TTC12: variants seen among roughly 807,000 people sequenced by gnomAD.
TTC12 encodes the protein tetratricopeptide repeat protein 12.
Under a neutral mutation model 90.1 loss-of-function variants are expected in TTC12, and 70 were observed. The ratio of observed to expected loss-of-function variants is 0.78; its 90% CI spans 0.64 to 0.95. The LOEUF is 0.95. TTC12 is among the 40% of genes least tolerant of loss of function. The pLI is 0.00. For missense variants in TTC12, 819 were observed against 846.1 expected, an observed-to-expected ratio of 0.97 and a Z score of 0.40; for synonymous variants, 296 against 311.5, an observed-to-expected ratio of 0.95 and a Z score of 0.53.
At chr11:113,339,634 C>A in intron 10 of TTC12, 160 bp downstream of exon 10, 1 of 623,664 alleles carries the variant, frequency 1.6e-6, no homozygotes, top group Non-Finnish European at 2.7e-6. Context: ...CAAGAAATGT[C>A]CTCCGACTTC....
intron 18 of TTC12, among the ~76,000 whole-genome samples, chr11:113,362,196 C>T (rs1949973570): frequency 6.6e-6 from 1 of 152,052 alleles, no homozygotes; most frequent in Admixed American, 6.5e-5. Flanking sequence ...TAATATGGGC[C>T]TCTGGGTGGC....
At chr11:113,346,751 G>GAAAAAAAAAAAAAAAAAAAA (rs58619294) in intron 13 of TTC12, among the ~76,000 whole-genome samples, 1 of 57,530 alleles carries the variant, frequency 1.7e-5, no homozygotes. Flanking sequence ...ATCTGCTACA[G>GAAAAAAAAAAAAAAAAAAAA]AAAAAAAAAA....
rs782261277 is a variant in TTC12 at position 113,324,635 on chromosome 11, C to T, written c.275C>T (p.Ala92Val). The change falls in exon 5 of 22, where the codon GCA (alanine) becomes GTA (valine). Residue 92 changes from alanine to valine, a missense_variant. Transcript: ENST00000529221. ...TTCTTGGCATCTGTGGAGAAGGATG[C>T]AAAGGAACGAGCCAAGAGAAGAAGG... is the stretch of plus-strand genomic sequence containing the variant. ...EAFLASVEKD[A>V]KERAKRRREN... 13 of 1,613,736 alleles carry T rather than the reference C, an allele frequency of 8.1e-6. No homozygotes were observed. In the South Asian group the frequency reaches 1.4e-4, roughly 18 times the overall value.
chr11:113,361,582 C>G (rs1949927202), intron 18 of TTC12, among the ~76,000 whole-genome samples: 1 of 151,972 alleles, frequency 6.6e-6, no homozygotes, highest in Admixed American at 6.5e-5. Flanking sequence ...AGGCATCTAT[C>G]CTCCAGGCAT....
intron 6 of TTC12, among the ~76,000 whole-genome samples, chr11:113,328,497 A>T (rs1397222096): frequency 6.6e-6 from 1 of 152,138 alleles, no homozygotes; most frequent in Non-Finnish European, 1.5e-5. Flanking sequence ...TGCCCCAGGC[A>T]TTTGATACTA....
chr11:113,358,328 G>C (rs143362184), intron 16 of TTC12, among the ~76,000 whole-genome samples: 4 of 152,160 alleles, frequency 2.6e-5, no homozygotes, highest in African/African-American at 9.7e-5. Context: ...CCTGGGCCCA[G>C]GGGAAGCTGC....
chr11:113,366,489 C>T (rs971186318), downstream of TTC12: 22 of 951,122 alleles, frequency 2.3e-5, no homozygotes, highest in Non-Finnish European at 3.2e-5. Flanking sequence ...GCTCTGTGCA[C>T]TGGCTTACTC....
intron 21 of TTC12, among the ~76,000 whole-genome samples, chr11:113,371,969 C>A (rs1327207249): frequency 6.6e-6 from 1 of 152,172 alleles, no homozygotes; most frequent in Non-Finnish European, 1.5e-5. Context: ...GTTGGTTGAG[C>A]ATACTTCCAT....
At position 113,324,471 on chromosome 11, in the gene TTC12, GGTGTGTGTGC is replaced by G. The variant is rs1278496639; in HGVS notation, c.245-123_245-114del. ...AATGTCATTTTAGTTGCCTCAGAAT[GGTGTGTGTGC>G]GTGTGTGTGCCTGTGTGCATATGCA... On this transcript the variant is annotated intron_variant, in intron 4 of 21. Coordinates refer to ENST00000529221, the MANE Select transcript of TTC12 (RefSeq NM_017868.4). The G allele has an allele frequency of 1.3e-5, 8 of 620,118 alleles. No homozygotes were observed. The African/African-American group carries it at 1.3e-4, about 10-fold the overall frequency. The allele number at this position is 620,118 out of a possible 1,614,324, so 38.4% of individuals were successfully genotyped here. A position where few individuals can be genotyped will look rare whatever the true frequency, so the allele number is the denominator to read the frequency against.
At chr11:113,341,359 TTTC>T (rs1237344659) in intron 11 of TTC12, among the ~76,000 whole-genome samples, 1 of 152,234 alleles carries the variant, frequency 6.6e-6, no homozygotes, top group Admixed American at 6.5e-5. Context: ...CATTTGTTCA[TTTC>T]TTCTTTTGGA....
chr11:113,323,964 C>T, intron 3 of TTC12, 30 bp from the exon 4 acceptor site: 1 of 1,593,872 alleles, frequency 6.3e-7, no homozygotes, highest in Non-Finnish European at 8.6e-7. Context: ...AAATTTGTTT[C>T]TTTGTTTTTA....
At chr11:113,364,646 G>T (rs141096463) in intron 20 of TTC12, 189 bp from the exon 21 acceptor site, 22 of 598,030 alleles carry the variant, frequency 3.7e-5, no homozygotes, top group African/African-American at 2.8e-4. Context: ...CAGAGGTTCA[G>T]CAAGGAGTTG....
chr11:113,369,725 A>G (rs902371089), downstream of TTC12, among the ~76,000 whole-genome samples: 1 of 152,100 alleles, frequency 6.6e-6, no homozygotes, highest in Non-Finnish European at 1.5e-5. Context: ...TCCTCTCTAT[A>G]AAATGGGAGC....
In TTC12 at chr11:113,362,686, C is replaced by T. The variant is rs545200775; in HGVS notation, c.1716+184C>T. 5.3e-5 allele frequency among the ~76,000 whole-genome samples: 8 copies of T among 152,286 alleles called. No homozygotes were observed. The South Asian group carries it at 1.7e-3, about 32-fold the overall frequency. On this transcript the variant is annotated intron_variant, in intron 19 of 21. Transcript: ENST00000529221. ...ACCCAGACCATACTCTGAACATCAA[C>T]AACAGATTGTTGAATAAATAAGAAA...
intron 16 of TTC12, among the ~76,000 whole-genome samples, chr11:113,353,682 A>G (rs11214583): frequency 0.36 from 55,137 of 152,056 alleles, 11,548 homozygotes; most frequent in Non-Finnish European, 0.48. Flanking sequence ...TCTGCATATG[A>G]CTAGCCAGTT....
rs991322889 is a variant in TTC12 at position 113,366,155 on chromosome 11, G to A, written c.2043-70G>A. 3.2e-6 allele frequency: 5 copies of A among 1,554,188 alleles called. No individual in the cohort carries two copies. In the South Asian group the frequency reaches 5.6e-5, roughly 17 times the overall value. ...TCAGCCAGCTTCCATCTGAGAGGGT[G>A]TTGGCTCTGGGCTCCAGAAGCCTGA... On this transcript the variant is annotated intron_variant, in intron 21 of 21. Transcript: ENST00000529221.
At chr11:113,325,408 T>C (rs1171783939) in intron 5 of TTC12, 116 bp from the exon 6 acceptor site, 13 of 1,254,118 alleles carry the variant, frequency 1.0e-5, no homozygotes, top group Non-Finnish European at 1.5e-5. Context: ...TCAAGTCCCT[T>C]TAGGATCGAT....
chr11:113,368,890 A>G (rs1950300178), downstream of TTC12: 1 of 200,362 alleles, frequency 5.0e-6, no homozygotes, highest in African/African-American at 2.3e-5. Context: ...TAATATTCTG[A>G]GGACAAGAAG....
intron 21 of TTC12, 38 bp from the exon 22 acceptor site, chr11:113,366,187 G>A (rs756431232): frequency 2.5e-6 from 4 of 1,608,358 alleles, no homozygotes; most frequent in Non-Finnish European, 2.5e-6. Flanking sequence ...CTGAACCGTG[G>A]CACTTATGCC....
Sources: gnomAD v4.1 joint callset for allele counts (sites outside exome capture counted in the v4.1 genomes callset) on GRCh38, gnomAD v4.1.1 for gene constraint, MANE v1.5 for transcripts, NCBI Gene and HGNC (gene_info 2026-07-23, HGNC 2026-07-21) for gene names.